Variants in ADARB2 observed in about 807,000 individuals in gnomAD.
ADARB2 encodes the protein inactive double-stranded RNA-specific editase B2.
ADARB2 carries 25 observed loss-of-function variants against 62.2 expected under a neutral mutation model. The observed-to-expected ratio is 0.40, with a 90% CI of 0.29 to 0.56. The LOEUF is 0.56. Ranked by LOEUF, ADARB2 falls within the 20% of genes least tolerant of loss-of-function variation. The pLI, the probability that ADARB2 is intolerant of heterozygous loss-of-function variation, is 0.43. For synonymous variants in ADARB2, 572 were observed against 500.8 expected (o/e 1.14, Z -1.90); for missense variants, 1,071 against 1,077.4 (o/e 0.99, Z 0.08).
At chr10:1,725,488 C>G (rs1423835994) in intron 1 of ADARB2, among the ~76,000 whole-genome samples, 1 of 152,160 alleles carries the variant, frequency 6.6e-6, no homozygotes, top group Non-Finnish European at 1.5e-5. Flanking sequence ...GAGGAAGAGA[C>G]GCCCAGGACT....
intron 1 of ADARB2, among the ~76,000 whole-genome samples, chr10:1,390,221 A>G (rs986653802): frequency 6.6e-6 from 1 of 152,250 alleles, no homozygotes; most frequent in East Asian, 1.9e-4. Context: ...AGGAATATGC[A>G]GTGTGGTTCC....
intron 3 of ADARB2, among the ~76,000 whole-genome samples, chr10:1,356,984 T>C (rs1213950090): frequency 6.6e-6 from 1 of 152,216 alleles, no homozygotes; most frequent in African/African-American, 2.4e-5. Context: ...CCCGGATTCC[T>C]GGGCTTTATG....
chr10:1,296,704 G>T (rs1156473671), intron 3 of ADARB2, among the ~76,000 whole-genome samples: 1 of 152,120 alleles, frequency 6.6e-6, no homozygotes, highest in African/African-American at 2.4e-5. Flanking sequence ...AAAACTCCTG[G>T]GACACAATCA....
rs1013543117 is a variant in ADARB2 at position 1,477,427 on chromosome 10, T to C, written c.101-98267A>G. Among the ~76,000 whole-genome samples the C allele has an allele frequency of 6.6e-6, 1 of 152,104 alleles. No homozygotes were observed. Among genetic ancestry groups the C allele is most frequent in the African/African-American group, 2.4e-5 (1 of 41,428 alleles). ...CCAGCATGACCCTATACAGCTTCCT[T>C]CCAGCCCTGCTTCTTTGCAGACGGC... On this transcript the variant is annotated intron_variant, in intron 1 of 9. Coordinates refer to ENST00000381312, the MANE Select transcript of ADARB2 (RefSeq NM_018702.4). This position sits in a 1 kb window ranked among gnomAD's most constrained non-coding sequence, Gnocchi z 4.5.
chr10:1,585,188 A>C (rs1833157733), intron 1 of ADARB2, among the ~76,000 whole-genome samples: 1 of 152,076 alleles, frequency 6.6e-6, no homozygotes, highest in Admixed American at 6.6e-5. Context: ...CAGTGCGGAC[A>C]GTGGGGGAGG....
chr10:1,682,197 T>C (rs896085988), intron 1 of ADARB2, among the ~76,000 whole-genome samples: 4 of 152,114 alleles, frequency 2.6e-5, no homozygotes, highest in South Asian at 2.1e-4. Context: ...TGGAAGAACA[T>C]GGAGGAATAA....
chr10:1,472,557 G>A (rs564914394), intron 1 of ADARB2, among the ~76,000 whole-genome samples: 87 of 152,314 alleles, frequency 5.7e-4, no homozygotes, highest in African/African-American at 2.0e-3. Flanking sequence ...CTGGGAGAAG[G>A]ACCAGTTAGA....
intron 6 of ADARB2, among the ~76,000 whole-genome samples, chr10:1,226,037 T>G (rs1830742552): frequency 6.6e-6 from 1 of 152,244 alleles, no homozygotes; most frequent in African/African-American, 2.4e-5. Flanking sequence ...CCCATCACTT[T>G]CAGGTACACC....
intron 1 of ADARB2, among the ~76,000 whole-genome samples, chr10:1,691,899 ATGTG>A (rs57984302): frequency 4.0e-5 from 6 of 150,380 alleles, no homozygotes; most frequent in Non-Finnish European, 7.4e-5. Flanking sequence ...TCATTACTAA[ATGTG>A]TGTGTGTGTG....
chr10:1,657,667 A>G (rs1035425669), intron 1 of ADARB2, among the ~76,000 whole-genome samples: 1 of 152,172 alleles, frequency 6.6e-6, no homozygotes, highest in African/African-American at 2.4e-5. Flanking sequence ...CCAAGGTCCA[A>G]GGATGTAAAT....
chr10:1,394,859 T>C (rs1273516806), intron 1 of ADARB2: 2 of 457,054 alleles, frequency 4.4e-6, no homozygotes, highest in Non-Finnish European at 8.8e-6. Flanking sequence ...CAGGACTCGC[T>C]GTGCACAGGT....
intron 1 of ADARB2, among the ~76,000 whole-genome samples, chr10:1,658,744 C>T (rs746585033): frequency 1.3e-5 from 2 of 152,250 alleles, no homozygotes; most frequent in South Asian, 4.1e-4. Flanking sequence ...TGCCTTAGGT[C>T]GTCAAGACTT....
At chr10:1,487,446 G>A (rs555872686) in intron 1 of ADARB2, among the ~76,000 whole-genome samples, 2 of 152,370 alleles carry the variant, frequency 1.3e-5, no homozygotes, top group Admixed American at 6.5e-5. Context: ...AGGGGAAGGA[G>A]AGGAGGTGCC....
intron 1 of ADARB2, among the ~76,000 whole-genome samples, chr10:1,486,391 A>G (rs539825936): frequency 2.0e-4 from 31 of 152,338 alleles, no homozygotes; most frequent in African/African-American, 7.0e-4. Context: ...GTAACTCTAG[A>G]TGGATAATTA....
At chr10:1,271,593 A>G (rs1056042796) in intron 3 of ADARB2, among the ~76,000 whole-genome samples, 3 of 152,022 alleles carry the variant, frequency 2.0e-5, no homozygotes, top group African/African-American at 7.3e-5. Flanking sequence ...CACACAACAC[A>G]CCTAGGGCAC....
chr10:1,189,447 G>T (rs903741934), intron 8 of ADARB2, among the ~76,000 whole-genome samples: 7 of 152,072 alleles, frequency 4.6e-5, no homozygotes, highest in African/African-American at 1.7e-4. Flanking sequence ...AGCGGTAGTT[G>T]TGGATAGAGC....
At chr10:1,413,484 T>C (rs1361147992) in intron 1 of ADARB2, among the ~76,000 whole-genome samples, 1 of 152,204 alleles carries the variant, frequency 6.6e-6, no homozygotes, top group Non-Finnish European at 1.5e-5. Flanking sequence ...ATGGCTTGTG[T>C]AACTGGAATA....
intron 8 of ADARB2, among the ~76,000 whole-genome samples, chr10:1,191,973 C>T (rs1836851423): frequency 6.6e-6 from 1 of 152,232 alleles, no homozygotes; most frequent in Non-Finnish European, 1.5e-5. Context: ...ACTGCTGTTA[C>T]ATCACCATTA....
chr10:1,219,725 AGGTGAT>A (rs774782137), intron 6 of ADARB2, among the ~76,000 whole-genome samples: 12 of 146,890 alleles, frequency 8.2e-5, no homozygotes, highest in Non-Finnish European at 1.5e-4. Flanking sequence ...GTGTTAATGG[AGGTGAT>A]GGTGATGGTG....
Sources: allele counts gnomAD v4.1 joint callset (sites outside exome capture counted in the v4.1 genomes callset), GRCh38; gene constraint gnomAD v4.1.1; non-coding constraint Gnocchi (gnomAD v3.1); transcripts MANE v1.5; gene names NCBI Gene and HGNC (gene_info 2026-07-23, HGNC 2026-07-21).